The following OSR2 variants were observed in gnomAD, a reference collection of about 807,000 sequenced individuals.
The protein encoded by OSR2 is odd-skipped related transciption factor 2.
Under a neutral mutation model 22.3 loss-of-function variants are expected in OSR2, and 8 were observed. That is an observed-to-expected ratio of 0.36 (90% confidence interval 0.21 to 0.65). The LOEUF is 0.65. Ranked by LOEUF, OSR2 falls within the 30% of genes least tolerant of loss-of-function variation. OSR2 has a pLI of 0.66. For synonymous variants in OSR2, 179 were observed against 173.8 expected (o/e 1.03, Z -0.23); for missense variants, 311 against 413.4 (o/e 0.75, Z 2.15).
At chr8:98,950,519 GA>G (rs531903359) in intron 2 of OSR2, 136 bp from the exon 3 acceptor site, 14,617 of 429,292 alleles carry the variant, frequency 0.034, 1 homozygote, top group South Asian at 0.045. Flanking sequence ...AATTACACAG[GA>G]AAAAAAAAAA....
chr8:98,951,833 G>A lies in OSR2; in HGVS notation c.*132G>A, dbSNP rs1840792941. 1.2e-6 allele frequency: 1 copy of A among 838,002 alleles called. No individual in the cohort carries two copies. The highest frequency in any genetic ancestry group is 1.8e-6 in the Non-Finnish European group (1 of 552,686). 51.9% of individuals were successfully genotyped at this position (838,002 alleles called of 1,614,324 possible). ...TTCCCTTGCTGCAGCCGCACCTGCA[G>A]CTCCAGGGAGTTAACTCTTCTTCTG... On this transcript the variant is annotated 3_prime_UTR_variant, in exon 4 of 4. Transcript: ENST00000297565.
chr8:98,948,260 G>A lies in OSR2; in HGVS notation c.-114-579G>A, dbSNP rs762158129. The A allele has an allele frequency of 9.3e-6, 14 of 1,508,184 alleles. No homozygotes were observed. The African/African-American group carries it at 1.1e-4, about 12-fold the overall frequency. The allele number at this position is 1,508,184 out of a possible 1,614,324, so 93.4% of individuals were successfully genotyped here. A position where few individuals can be genotyped will look rare whatever the true frequency, so the allele number is the denominator to read the frequency against. ...CCCCTCCCAGGGCCCTCTGGCCCAG[G>A]AGGATGAAGCGCGCCGGCTTCGCTC... On this transcript the variant is annotated intron_variant, in intron 1 of 3. Transcript: ENST00000297565. The surrounding 1 kb of genome is among the most constrained non-coding windows in gnomAD (Gnocchi z 6.0).
At chr8:98,946,074 C>A (rs964949245) in intron 1 of OSR2, 3 of 152,252 alleles carry the variant, frequency 2.0e-5, no homozygotes, top group Non-Finnish European at 4.4e-5. Context: ...TCCTTGGTGA[C>A]AGCCAGTCAA....
chr8:98,948,315 G>T lies in OSR2; in HGVS notation c.-114-524G>T. 6.6e-7 allele frequency: 1 copy of T among 1,525,250 alleles called. No individual in the cohort carries two copies. Among genetic ancestry groups the T allele is most frequent in the South Asian group, 1.2e-5 (1 of 83,360 alleles). 94.5% of individuals were successfully genotyped at this position (1,525,250 alleles called of 1,614,324 possible). A position where few individuals can be genotyped will look rare whatever the true frequency, so the allele number is the denominator to read the frequency against. On this transcript the variant is annotated intron_variant, in intron 1 of 3. Transcript: ENST00000297565. This position sits in a 1 kb window ranked among gnomAD's most constrained non-coding sequence, Gnocchi z 6.0. ...ACGCCGGCTTGCCATCCGGGTAAGCGCGGGAAAGGCGGCCACAGGGCGCGG... is the reference window on the plus strand; with the variant it reads ...ACGCCGGCTTGCCATCCGGGTAAGCTCGGGAAAGGCGGCCACAGGGCGCGG...
chr8:98,948,206 C>T lies in OSR2; in HGVS notation c.-114-633C>T. ...GAGGGCAGAGGAAGGAAAAAGAAAA[C>T]CTCCGAGGTCAGTGCGGGGCGAGGT... On this transcript the variant is annotated intron_variant, in intron 1 of 3. Coordinates refer to ENST00000297565, the MANE Select transcript of OSR2 (RefSeq NM_001142462.3). This position sits in a 1 kb window ranked among gnomAD's most constrained non-coding sequence, Gnocchi z 6.0. The T allele has an allele frequency of 3.5e-6, 5 of 1,420,324 alleles. No homozygotes were observed. The highest frequency in any genetic ancestry group is 1.8e-4 in the Middle Eastern group (1 of 5,484). The allele number at this position is 1,420,324 out of a possible 1,614,324, so 88.0% of individuals were successfully genotyped here. A position where few individuals can be genotyped will look rare whatever the true frequency, so the allele number is the denominator to read the frequency against.
chr8:98,946,866 G>A (rs886652192), intron 1 of OSR2, among the ~76,000 whole-genome samples: 6 of 151,958 alleles, frequency 3.9e-5, no homozygotes, highest in Non-Finnish European at 7.4e-5. Context: ...TAATAATTTC[G>A]GTTTCCTCTC....
rs767562127 is a variant in OSR2, at chr8:98,949,437, G to T, written c.485G>T (p.Gly162Val). 1 of 1,614,078 alleles carries T rather than the reference G, an allele frequency of 6.2e-7. No homozygotes were observed. The highest frequency in any genetic ancestry group is 1.1e-5 in the South Asian group (1 of 91,088). The change falls in exon 2 of 4, where the codon GGA becomes GTA. Residue 162 changes from glycine to valine, a missense_variant. By Grantham distance (109) the Gly-to-Val change is moderately radical (BLOSUM62 -3). This residue lies in a region of OSR2 where 53 missense variants were observed against 59.5 expected (regional missense o/e 0.89). Transcript: ENST00000297565. The surrounding 1 kb of genome is among the most constrained non-coding windows in gnomAD (Gnocchi z 5.9). Reference sequence around the variant, plus strand: ...ACTCCGGACAGAAAGCCCTCTCGAGGAAGGTTGCCCTCCAAAACGAAAAAA... The same window carrying T: ...ACTCCGGACAGAAAGCCCTCTCGAGTAAGGTTGCCCTCCAAAACGAAAAAA... ...KLTPDRKPSR[G>V]RLPSKTKKEF...
rs1239268483 is a variant in OSR2 at position 98,950,670 on chromosome 8, A to G, written c.671A>G (p.Lys224Arg). The change falls in exon 3 of 4, where the codon AAA becomes AGA. Residue 224 changes from lysine to arginine, a missense_variant. Lys to Arg is a conservative substitution (Grantham distance 26, BLOSUM62 2). Transcript: ENST00000297565. ...TTGATTTTCAGATACATCCATTCCA[A>G]AGAAAAACCCTTCAAATGTCAGGAG... is the stretch of plus-strand genomic sequence containing the variant. ...HLRDHRYIHS[K>R]EKPFKCQECG... The G allele has an allele frequency of 8.7e-6, 14 of 1,611,286 alleles. No homozygotes were observed. Among genetic ancestry groups the G allele is most frequent in the African/African-American group, 2.7e-5 (2 of 74,880 alleles).
At chr8:98,945,801 A>G (rs1049702241) in intron 1 of OSR2, among the ~76,000 whole-genome samples, 6 of 152,138 alleles carry the variant, frequency 3.9e-5, no homozygotes, top group African/African-American at 1.4e-4. Context: ...TGATCTACTT[A>G]GTCTATAGCT....
At chr8:98,950,892 T>C in intron 3 of OSR2, 137 bp downstream of exon 3, 1 of 689,900 alleles carries the variant, frequency 1.4e-6, no homozygotes, top group Non-Finnish European at 2.6e-6. Flanking sequence ...AAAGCAACAC[T>C]TGATTTCTTT....
At chr8:98,947,177 T>A (rs1840632392) in intron 1 of OSR2, among the ~76,000 whole-genome samples, 1 of 151,186 alleles carries the variant, frequency 6.6e-6, no homozygotes, top group African/African-American at 2.4e-5. Flanking sequence ...CACCTCTCAT[T>A]AACTCTTAGC....
Position 98,949,101 on chromosome 8 carries a change from A to T in OSR2, c.149A>T (p.His50Leu). 1 of 1,613,932 alleles carries T rather than the reference A, an allele frequency of 6.2e-7. No individual in the cohort carries two copies. The highest frequency in any genetic ancestry group is 8.5e-7 in the Non-Finnish European group (1 of 1,179,892). The change falls in exon 2 of 4, where the codon CAC (histidine) becomes CTC (leucine). Residue 50 changes from histidine to leucine, a missense_variant. His to Leu is a moderately conservative substitution (Grantham distance 99). Transcript: ENST00000297565. This position sits in a 1 kb window ranked among gnomAD's most constrained non-coding sequence, Gnocchi z 5.9. ...GGTCTCAGCGCGGTACAGACCATGC[A>T]CATGAACCACTGGACGCTGGGGTAT... is the stretch of plus-strand genomic sequence containing the variant. Reference protein sequence around the residue: ...LYGLSAVQTMHMNHWTLGYPN... With the variant: ...LYGLSAVQTMLMNHWTLGYPN...
chr8:98,951,129 A>T, intron 3 of OSR2: 1 of 479,844 alleles, frequency 2.1e-6, no homozygotes, highest in Non-Finnish European at 3.6e-6. Flanking sequence ...AGCTTTCAGG[A>T]CATTGAGGAA....
intron 1 of OSR2, among the ~76,000 whole-genome samples, chr8:98,945,517 C>A (rs1587886238): frequency 6.6e-6 from 1 of 152,196 alleles, no homozygotes; most frequent in South Asian, 2.1e-4. Flanking sequence ...GCTGGCGTTT[C>A]CCGAAGCGAA....
intron 1 of OSR2, among the ~76,000 whole-genome samples, chr8:98,946,583 T>G (rs1277349334): frequency 1.3e-5 from 2 of 152,110 alleles, no homozygotes; most frequent in African/African-American, 4.8e-5. Flanking sequence ...TTTACTAACA[T>G]GAACCTGAAT....
intron 1 of OSR2, among the ~76,000 whole-genome samples, chr8:98,945,536 G>C (rs1351803763): frequency 6.6e-6 from 1 of 152,232 alleles, no homozygotes; most frequent in Non-Finnish European, 1.5e-5. Flanking sequence ...AAAGGGCGCA[G>C]ACAGCCACTT....
rs995017389 is a variant in OSR2 at position 98,948,353 on chromosome 8, G to C, written c.-114-486G>C. 2 of 1,519,024 alleles carry C rather than the reference G, an allele frequency of 1.3e-6. No homozygotes were observed. The highest frequency in any genetic ancestry group is 1.4e-5 in the African/African-American group (1 of 72,098). The allele number at this position is 1,519,024 out of a possible 1,614,324, so 94.1% of individuals were successfully genotyped here. On this transcript the variant is annotated intron_variant, in intron 1 of 3. Coordinates refer to ENST00000297565, the MANE Select transcript of OSR2 (RefSeq NM_001142462.3). This position sits in a 1 kb window ranked among gnomAD's most constrained non-coding sequence, Gnocchi z 6.0. ...CCACAGGGCGCGGCGGCAGCGCAGC[G>C]CGTGGGATCTCACGACCCATCCGTT...
Position 98,944,647 on chromosome 8 carries a change from G to A in OSR2, c.-291G>A, listed in dbSNP as rs983758122. ...CGCGTCCACAGACTCTGACGAAGAC[G>A]TGGATCTGCTCTCGCTTTAGCTGCT... On this transcript the variant is annotated 5_prime_UTR_variant, in exon 1 of 4. In the 5' UTR this introduces an upstream ATG that the reference lacks. Coordinates refer to ENST00000297565, the MANE Select transcript of OSR2 (RefSeq NM_001142462.3). The A allele has an allele frequency of 2.0e-5, 3 of 152,254 alleles. No individual in the cohort carries two copies. Among genetic ancestry groups the A allele is most frequent in the Non-Finnish European group, 4.4e-5 (3 of 68,050 alleles). The allele number at this position is 152,254 out of a possible 1,614,324, so 9.4% of individuals were successfully genotyped here.
chr8:98,947,500 C>A (rs554356205), intron 1 of OSR2, among the ~76,000 whole-genome samples: 4 of 152,298 alleles, frequency 2.6e-5, no homozygotes, highest in African/African-American at 9.6e-5. Flanking sequence ...GGAAACGTGA[C>A]TCCTACACCT....
Sources: allele counts gnomAD v4.1 joint callset (sites outside exome capture counted in the v4.1 genomes callset), GRCh38; gene constraint gnomAD v4.1.1; regional missense constraint gnomAD v4.1.1; non-coding constraint Gnocchi (gnomAD v3.1); transcripts MANE v1.5; gene names NCBI Gene and HGNC (gene_info 2026-07-23, HGNC 2026-07-21).